The following CALN1 variants were observed in gnomAD, a reference collection of about 807,000 sequenced individuals.
CALN1 encodes the protein calcium-binding protein 8.
A neutral mutation model predicts 30.6 loss-of-function variants in CALN1; 17 were observed. The ratio of observed to expected loss-of-function variants is 0.56; its 90% CI spans 0.38 to 0.83. The LOEUF (loss-of-function observed/expected upper bound fraction) is 0.83, where lower values mean the gene tolerates loss of function less well. Ranked by LOEUF, CALN1 falls within the 40% of genes least tolerant of loss-of-function variation. The pLI is 0.00. For missense variants in CALN1, 291 were observed against 354.9 expected, an observed-to-expected ratio of 0.82 and a Z score of 1.45; for synonymous variants, 156 against 131.4, an observed-to-expected ratio of 1.19 and a Z score of -1.28.
chr7:72,229,702 T>C (rs1355998223), intron 3 of CALN1, among the ~76,000 whole-genome samples: 1 of 151,962 alleles, frequency 6.6e-6, no homozygotes, highest in Non-Finnish European at 1.5e-5. Flanking sequence ...AAACACCGCA[T>C]GTTCTCACTC....
intron 3 of CALN1, among the ~76,000 whole-genome samples, chr7:72,168,571 G>A (rs553668907): frequency 1.3e-5 from 2 of 152,066 alleles, no homozygotes; most frequent in East Asian, 1.9e-4. Flanking sequence ...GCACCCATCT[G>A]TCTCTTCCAA....
chr7:72,011,014 G>A (rs1415880861), intron 5 of CALN1, among the ~76,000 whole-genome samples: 3 of 151,474 alleles, frequency 2.0e-5, no homozygotes, highest in South Asian at 2.1e-4. Context: ...TTAGCTGGGC[G>A]TGTTGGCACG....
chr7:72,035,120 A>G (rs533063214), intron 4 of CALN1, among the ~76,000 whole-genome samples: 73 of 152,302 alleles, frequency 4.8e-4, no homozygotes, highest in Non-Finnish European at 9.1e-4. Flanking sequence ...TAAAATATAC[A>G]TAATATAAAA....
intron 3 of CALN1, among the ~76,000 whole-genome samples, chr7:72,185,592 T>C (rs1585116252): frequency 6.6e-6 from 1 of 152,172 alleles, no homozygotes; most frequent in East Asian, 1.9e-4. Flanking sequence ...AGGATTTTGA[T>C]ATAGAGAGTG....
At chr7:72,045,976 G>C (rs1394114609) in intron 4 of CALN1, among the ~76,000 whole-genome samples, 1 of 138,026 alleles carries the variant, frequency 7.2e-6, no homozygotes, top group Non-Finnish European at 1.5e-5. Flanking sequence ...TCCAGCCTGG[G>C]CAACAGCGAG....
chr7:72,151,325 A>G (rs79614560), intron 3 of CALN1, among the ~76,000 whole-genome samples: 147 of 151,976 alleles, frequency 9.7e-4, no homozygotes, highest in African/African-American at 3.4e-3. Context: ...TCTTCACGCA[A>G]TCTTCTAATG....
chr7:72,050,340 G>A (rs949336060), intron 4 of CALN1, among the ~76,000 whole-genome samples: 1 of 151,906 alleles, frequency 6.6e-6, no homozygotes, highest in Non-Finnish European at 1.5e-5. Flanking sequence ...CATACACACA[G>A]AAAATAACAG....
intron 2 of CALN1, among the ~76,000 whole-genome samples, chr7:72,370,520 G>A (rs1405230543): frequency 6.6e-6 from 1 of 152,088 alleles, no homozygotes; most frequent in East Asian, 1.9e-4. Flanking sequence ...CAGCTGTGGT[G>A]GCACATGCCT....
At chr7:72,407,467 T>C (rs183961713) in intron 1 of CALN1, among the ~76,000 whole-genome samples, 44 of 152,302 alleles carry the variant, frequency 2.9e-4, no homozygotes, top group African/African-American at 1.0e-3. Flanking sequence ...GCTGTTCTTG[T>C]GATACAGTTC....
the CALN1 span, among the ~76,000 whole-genome samples, chr7:72,480,504 T>C: frequency 2.0e-5 from 3 of 152,178 alleles, no homozygotes; most frequent in East Asian, 1.9e-4. Context: ...GGTATTAGAG[T>C]AATGAGCTGG....
chr7:72,407,860 C>T (rs1302418176), intron 1 of CALN1, among the ~76,000 whole-genome samples: 1 of 152,116 alleles, frequency 6.6e-6, no homozygotes, highest in East Asian at 1.9e-4. Flanking sequence ...GATGTAGCCT[C>T]ACGGAGCTCA....
chr7:72,358,651 T>C (rs1166850075), intron 2 of CALN1, among the ~76,000 whole-genome samples: 1 of 152,060 alleles, frequency 6.6e-6, no homozygotes, highest in Non-Finnish European at 1.5e-5. Flanking sequence ...CAAAGATAGA[T>C]GTAAAAATAA....
intron 3 of CALN1, among the ~76,000 whole-genome samples, chr7:72,194,730 T>C (rs1790870539): frequency 6.6e-6 from 1 of 151,658 alleles, no homozygotes; most frequent in Non-Finnish European, 1.5e-5. Flanking sequence ...TAGCTGGGAT[T>C]ACAGGTGCCA....
intron 5 of CALN1, among the ~76,000 whole-genome samples, chr7:71,922,889 AAT>A (rs1354966563): frequency 2.0e-5 from 2 of 100,994 alleles, no homozygotes; most frequent in Non-Finnish European, 4.1e-5. Context: ...CATATATATT[AAT>A]ATATATGTAT....
At chr7:72,185,045 T>C (rs572680218) in intron 3 of CALN1, among the ~76,000 whole-genome samples, 30 of 152,216 alleles carry the variant, frequency 2.0e-4, no homozygotes, top group African/African-American at 7.2e-4. Flanking sequence ...GCTCAAGCGA[T>C]CATCCCACCT....
chr7:72,220,724 T>C (rs1793225036), intron 3 of CALN1, among the ~76,000 whole-genome samples: 1 of 151,924 alleles, frequency 6.6e-6, no homozygotes, highest in African/African-American at 2.4e-5. Flanking sequence ...GACTTTTTAA[T>C]GATTGCCATT....
At chr7:72,471,345 G>A in the CALN1 span, among the ~76,000 whole-genome samples, 2 of 152,172 alleles carry the variant, frequency 1.3e-5, no homozygotes, top group Non-Finnish European at 2.9e-5. Flanking sequence ...GAGAAGGCAG[G>A]TGAAGGGCCT....
chr7:71,932,334 C>T (rs1303822894), intron 5 of CALN1, among the ~76,000 whole-genome samples: 1 of 152,052 alleles, frequency 6.6e-6, no homozygotes, highest in Non-Finnish European at 1.5e-5. Context: ...CACCACCATG[C>T]CCAGCTATTT....
chr7:72,026,508 C>G (rs112254126), intron 4 of CALN1, among the ~76,000 whole-genome samples: 152 of 152,128 alleles, frequency 1.0e-3, no homozygotes, highest in African/African-American at 3.6e-3. Context: ...ATCGCTGAAC[C>G]CAGGAGGCAG....
Sources: gnomAD v4.1 joint callset for allele counts (sites outside exome capture counted in the v4.1 genomes callset) on GRCh38, gnomAD v4.1.1 for gene constraint, MANE v1.5 for transcripts, NCBI Gene and HGNC (gene_info 2026-07-23, HGNC 2026-07-21) for gene names.